OPCML: variants seen among roughly 807,000 people sequenced by gnomAD.
OPCML encodes the protein opioid binding protein/cell adhesion molecule like.
A neutral mutation model predicts 37.8 loss-of-function variants in OPCML; 13 were observed. The ratio of observed to expected loss-of-function variants is 0.34; its 90% CI spans 0.22 to 0.55. OPCML has a LOEUF of 0.55. Ranked by LOEUF, OPCML falls within the 20% of genes least tolerant of loss-of-function variation. OPCML has a pLI of 0.91. For missense variants in OPCML, 341 were observed against 435.6 expected (o/e 0.78, Z 1.93); for synonymous variants, 176 against 168.8 (o/e 1.04, Z -0.33).
intron 3 of OPCML, among the ~76,000 whole-genome samples, chr11:132,639,315 C>A (rs1940706463): frequency 6.6e-6 from 1 of 152,196 alleles, no homozygotes; most frequent in South Asian, 2.1e-4. Context: ...TTGCCAGAGG[C>A]ATGCTCTCAA....
At chr11:133,207,175 C>T (rs1293964594) in intron 1 of OPCML, among the ~76,000 whole-genome samples, 2 of 151,232 alleles carry the variant, frequency 1.3e-5, no homozygotes, top group African/African-American at 4.9e-5. Context: ...TGGCGGGCAC[C>T]TGTTGTCCCA....
rs1455994114 is a variant in OPCML, at chr11:133,170,497, C to CA, written c.62-227488dup. Among the ~76,000 whole-genome samples the CA allele has an allele frequency of 4.0e-5, 6 of 149,086 alleles. No homozygotes were observed. In the East Asian group the frequency reaches 1.2e-3, roughly 29 times the overall value. On this transcript the variant is annotated intron_variant, in intron 1 of 7. Coordinates refer to ENST00000524381, the MANE Select transcript of OPCML (RefSeq NM_001012393.5). ...CGAGACTCCGTCACAAACACACAAA[C>CA]AAAAAAGGATATAGCAAGGCTTGAA...
chr11:133,307,394 C>T (rs1053659110), intron 1 of OPCML, among the ~76,000 whole-genome samples: 4 of 152,138 alleles, frequency 2.6e-5, no homozygotes. Context: ...TTTCTACGTC[C>T]TTTCTGCTGT....
intron 2 of OPCML, among the ~76,000 whole-genome samples, chr11:132,812,548 A>G (rs117405256): frequency 0.016 from 2,441 of 152,274 alleles, 27 homozygotes; most frequent in Middle Eastern, 0.027. Context: ...GTTATTGGAA[A>G]TGTTTTAAAG....
chr11:133,149,923 A>T (rs932468603), intron 1 of OPCML, among the ~76,000 whole-genome samples: 3 of 152,316 alleles, frequency 2.0e-5, no homozygotes, highest in Admixed American at 6.5e-5. Flanking sequence ...TCACTCTTCA[A>T]GAGGCCGGAG....
intron 2 of OPCML, among the ~76,000 whole-genome samples, chr11:132,665,387 C>T (rs980935099): frequency 1.3e-5 from 2 of 152,168 alleles, no homozygotes; most frequent in African/African-American, 4.8e-5. Context: ...GAGGGCTCTA[C>T]CTGAATGCAG....
intron 1 of OPCML, among the ~76,000 whole-genome samples, chr11:133,232,675 G>T (rs1692785380): frequency 6.6e-6 from 1 of 152,140 alleles, no homozygotes; most frequent in African/African-American, 2.4e-5. Context: ...AGAAGACATT[G>T]TGACATTGCT....
intron 1 of OPCML, among the ~76,000 whole-genome samples, chr11:132,962,053 GTCTT>G (rs1193813383): frequency 6.6e-6 from 1 of 152,204 alleles, no homozygotes; most frequent in Non-Finnish European, 1.5e-5. Flanking sequence ...CTGCACTGAG[GTCTT>G]TCTTTATTCT....
chr11:132,912,473 CATT>C (rs1288590171), intron 2 of OPCML, among the ~76,000 whole-genome samples: 1 of 152,084 alleles, frequency 6.6e-6, no homozygotes, highest in Non-Finnish European at 1.5e-5. Flanking sequence ...ACATCAATGT[CATT>C]ATTATAAAAA....
At chr11:133,471,554 T>C (rs1393758101) in intron 1 of OPCML, among the ~76,000 whole-genome samples, 2 of 152,126 alleles carry the variant, frequency 1.3e-5, no homozygotes, top group East Asian at 3.9e-4. Context: ...GGCATAGGCA[T>C]GGAAGAAAGA....
At chr11:132,470,215 G>T (rs956376637) in intron 4 of OPCML, among the ~76,000 whole-genome samples, 9 of 152,070 alleles carry the variant, frequency 5.9e-5, no homozygotes, top group African/African-American at 2.2e-4. Context: ...TGTAGTTAAG[G>T]CAGGAAGCAC....
At chr11:132,505,002 C>G (rs1455976167) in intron 4 of OPCML, among the ~76,000 whole-genome samples, 1 of 152,038 alleles carries the variant, frequency 6.6e-6, no homozygotes, top group Non-Finnish European at 1.5e-5. Flanking sequence ...AATTCTTCAA[C>G]CATTACCATG....
chr11:132,822,527 C>T (rs557353970), intron 2 of OPCML, among the ~76,000 whole-genome samples: 62 of 151,942 alleles, frequency 4.1e-4, no homozygotes, highest in African/African-American at 1.2e-3. Flanking sequence ...TGTGTGTGCG[C>T]GCACACACTC....
chr11:133,510,611 C>T (rs1235983597), intron 1 of OPCML, among the ~76,000 whole-genome samples: 2 of 152,130 alleles, frequency 1.3e-5, no homozygotes, highest in Non-Finnish European at 1.5e-5. Context: ...TTAATTGTGT[C>T]CTGCAGTGAT....
At chr11:132,752,026 A>G (rs1945942) in intron 2 of OPCML, among the ~76,000 whole-genome samples, 39,258 of 152,040 alleles carry the variant, frequency 0.26, 5,835 homozygotes, top group East Asian at 0.67. Flanking sequence ...TTTAAAAGGC[A>G]TGCGATACTA....
chr11:133,198,346 G>T (rs1421019979), intron 1 of OPCML, among the ~76,000 whole-genome samples: 1 of 152,206 alleles, frequency 6.6e-6, no homozygotes, highest in Admixed American at 6.5e-5. Flanking sequence ...TTAACAAAAG[G>T]ACATTCGATC....
At chr11:132,804,243 A>G (rs1938861579) in intron 2 of OPCML, among the ~76,000 whole-genome samples, 1 of 152,140 alleles carries the variant, frequency 6.6e-6, no homozygotes, top group South Asian at 2.1e-4. Flanking sequence ...CTACCTGGAG[A>G]CAGTTTCCCA....
chr11:133,288,375 C>G (rs1360226811), intron 1 of OPCML, among the ~76,000 whole-genome samples: 1 of 152,174 alleles, frequency 6.6e-6, no homozygotes, highest in Non-Finnish European at 1.5e-5. Context: ...CCTACCTCAG[C>G]ATCTAAGCAA....
intron 4 of OPCML, among the ~76,000 whole-genome samples, chr11:132,498,903 C>CA (rs113035129): frequency 0.045 from 6,816 of 151,860 alleles, 477 homozygotes; most frequent in African/African-American, 0.15. Context: ...CTCCAAATCT[C>CA]AAAAAAAATG....
Sources: gnomAD v4.1 joint callset for allele counts (sites outside exome capture counted in the v4.1 genomes callset) on GRCh38, gnomAD v4.1.1 for gene constraint, MANE v1.5 for transcripts, NCBI Gene and HGNC (gene_info 2026-07-23, HGNC 2026-07-21) for gene names.